The following THAP4 variants were observed in gnomAD, a reference collection of about 807,000 sequenced individuals.
THAP4 encodes the protein THAP domain containing 4.
Under a neutral mutation model 48.1 loss-of-function variants are expected in THAP4, and 18 were observed. That is an observed-to-expected ratio of 0.37 (90% CI 0.26 to 0.56). THAP4 has a LOEUF of 0.56. THAP4 is among the 20% of genes least tolerant of loss of function. The pLI is 0.78. For synonymous variants in THAP4, 345 were observed against 324.9 expected (o/e 1.06, Z -0.66); for missense variants, 656 against 774.9 (o/e 0.85, Z 1.82).
In THAP4 at chr2:241,632,897, C is replaced by T. The variant is rs367575523; in HGVS notation, c.1240+20G>A. ...TCCTAACGGGAAGGGAACATGGGTA[C>T]GCGAGGCTCCGGTACTGACCGCGGC... is the stretch of plus-strand genomic sequence containing the variant. On this transcript the variant is annotated intron_variant, in intron 2 of 5. Coordinates refer to ENST00000407315, the MANE Select transcript of THAP4 (RefSeq NM_015963.6). 26 of 1,547,568 alleles carry T rather than the reference C, an allele frequency of 1.7e-5. No individual in the cohort carries two copies. Among genetic ancestry groups the T allele is most frequent in the Admixed American group, 3.9e-5 (2 of 50,636 alleles).
At chr2:241,628,090 C>A (rs1286696651) in intron 2 of THAP4, among the ~76,000 whole-genome samples, 1 of 152,106 alleles carries the variant, frequency 6.6e-6, no homozygotes, top group African/African-American at 2.4e-5. Context: ...ACCCTGGGAG[C>A]ACATCCAACC....
At chr2:241,599,331 T>C (rs1285596005) in intron 5 of THAP4, among the ~76,000 whole-genome samples, 2 of 151,790 alleles carry the variant, frequency 1.3e-5, no homozygotes, top group Non-Finnish European at 2.9e-5. Flanking sequence ...CACACAGAAC[T>C]ATTTCCACTA....
chr2:241,625,250 G>A (rs983361388), intron 2 of THAP4, among the ~76,000 whole-genome samples: 26 of 152,136 alleles, frequency 1.7e-4, no homozygotes, highest in Non-Finnish European at 7.3e-5. Context: ...CAAGCTGGGA[G>A]AATCACTTGG....
At chr2:241,585,549 G>A (rs577212218) in intron 5 of THAP4, among the ~76,000 whole-genome samples, 3 of 152,246 alleles carry the variant, frequency 2.0e-5, no homozygotes, top group Non-Finnish European at 4.4e-5. Flanking sequence ...AGTCAGCGAG[G>A]ACCAGCACCC....
chr2:241,591,001 A>C (rs62192990), intron 5 of THAP4, among the ~76,000 whole-genome samples: 1 of 69,774 alleles, frequency 1.4e-5, no homozygotes, highest in African/African-American at 5.4e-5. Context: ...CTCGGCTGAC[A>C]ATAATGGGCA....
rs367799716 is a variant in THAP4, at chr2:241,601,227, G to A, written c.1614+669C>T. Among the ~76,000 whole-genome samples the A allele has an allele frequency of 1.3e-4, 20 of 152,102 alleles. No individual in the cohort carries two copies. Among genetic ancestry groups the A allele is most frequent in the Admixed American group, 3.3e-4 (5 of 15,282 alleles). On this transcript the variant is annotated intron_variant, in intron 5 of 5. Coordinates refer to ENST00000407315, the MANE Select transcript of THAP4 (RefSeq NM_015963.6). The surrounding 1 kb of genome is among the most constrained non-coding windows in gnomAD (Gnocchi z 4.0). ...TGAGAGGCGGTGGTTGCGATGAGCCGAGATCCCACCTTTGCATTCCAGCCT... is the reference window on the plus strand; with the variant it reads ...TGAGAGGCGGTGGTTGCGATGAGCCAAGATCCCACCTTTGCATTCCAGCCT...
At chr2:241,588,181 TA>T (rs2066915819) in intron 5 of THAP4, among the ~76,000 whole-genome samples, 1 of 151,574 alleles carries the variant, frequency 6.6e-6, no homozygotes, top group South Asian at 2.1e-4. Context: ...AGTGGAAAAT[TA>T]AAAAATCATT....
Position 241,637,084 on chromosome 2 carries a change from C to A in THAP4, c.-67G>T, listed in dbSNP as rs1479692584. 2.9e-6 allele frequency: 3 copies of A among 1,045,512 alleles called. No individual in the cohort carries two copies. Among genetic ancestry groups the A allele is most frequent in the Non-Finnish European group, 2.3e-6 (2 of 870,826 alleles). 64.8% of individuals were successfully genotyped at this position (1,045,512 alleles called of 1,614,324 possible). ...GCCGCCCGCCCGCCCGCGGACCGCCCCGAGGGAGGGAGCGCGGCGGCGACA... is the reference window on the plus strand; with the variant it reads ...GCCGCCCGCCCGCCCGCGGACCGCCACGAGGGAGGGAGCGCGGCGGCGACA... On this transcript the variant is annotated 5_prime_UTR_variant, in exon 1 of 6. Coordinates refer to ENST00000407315, the MANE Select transcript of THAP4 (RefSeq NM_015963.6).
At chr2:241,636,913 G>A (rs111312836) in intron 1 of THAP4, 28 bp downstream of exon 1, 1 of 1,211,372 alleles carries the variant, frequency 8.3e-7, no homozygotes, top group Non-Finnish European at 1.1e-6. Context: ...GGTCGGGGCG[G>A]GGGCGTGGCG....
chr2:241,591,523 AG>A (rs977533541), intron 5 of THAP4, among the ~76,000 whole-genome samples: 2 of 152,238 alleles, frequency 1.3e-5, no homozygotes, highest in Admixed American at 6.5e-5. Context: ...GTATTGGCAC[AG>A]GGACTGACAA....
chr2:241,607,041 C>G (rs550177017), intron 2 of THAP4, among the ~76,000 whole-genome samples: 5 of 152,222 alleles, frequency 3.3e-5, no homozygotes, highest in Admixed American at 1.3e-4. Flanking sequence ...GGCCCAGGGG[C>G]AGGCGGGGTT....
In THAP4 at chr2:241,607,965, A is replaced by G. The variant is rs1486546123; in HGVS notation, c.1241-1492T>C. Among the ~76,000 whole-genome samples the G allele has an allele frequency of 9.6e-4, 120 of 125,128 alleles. 1 individual carries two copies. The highest frequency in any genetic ancestry group is 3.3e-3 in the African/African-American group (106 of 32,544). 82.1% of individuals were successfully genotyped at this position (125,128 alleles called of 152,430 possible). On this transcript the variant is annotated intron_variant, in intron 2 of 5. Coordinates refer to ENST00000407315, the MANE Select transcript of THAP4 (RefSeq NM_015963.6). Reference sequence around the variant, plus strand: ...CTCCAGGCCCGCAAAAGCAGAAGACAGACTGATGGGGACGGGATCAGGACT... The same window carrying G: ...CTCCAGGCCCGCAAAAGCAGAAGACGGACTGATGGGGACGGGATCAGGACT...
chr2:241,636,483 G>A (rs958912299), intron 1 of THAP4, among the ~76,000 whole-genome samples: 1 of 152,204 alleles, frequency 6.6e-6, no homozygotes, highest in Non-Finnish European at 1.5e-5. Context: ...CTCTCCGCGC[G>A]TACCCGCGTC....
intron 3 of THAP4, among the ~76,000 whole-genome samples, chr2:241,605,382 G>A (rs1407705371): frequency 1.3e-5 from 2 of 151,850 alleles, no homozygotes; most frequent in East Asian, 1.9e-4. Flanking sequence ...ACTAAGGGAG[G>A]GTTTGCTTTT....
chr2:241,636,916 G>T (rs768567259), intron 1 of THAP4, 25 bp downstream of exon 1: 3 of 1,216,606 alleles, frequency 2.5e-6, no homozygotes, highest in South Asian at 1.5e-5. Flanking sequence ...CGGGGCGGGG[G>T]CGTGGCGGCC....
rs190762045 is a variant in THAP4, at chr2:241,606,957, T to C, written c.1241-484A>G. ...AGGCACGGTGCCCTGGCGTGAAGAGTGTGTGAAGGAGACAAAGAGCATCAG... is the reference window on the plus strand; with the variant it reads ...AGGCACGGTGCCCTGGCGTGAAGAGCGTGTGAAGGAGACAAAGAGCATCAG... On this transcript the variant is annotated intron_variant, in intron 2 of 5. Transcript: ENST00000407315. Among the ~76,000 whole-genome samples, 7 of 151,340 alleles carry C rather than the reference T, an allele frequency of 4.6e-5. No individual in the cohort carries two copies. The East Asian group carries it at 1.4e-3, about 29-fold the overall frequency.
At position 241,625,993 on chromosome 2, in the gene THAP4, C is replaced by T. The variant is rs899828928; in HGVS notation, c.1240+6924G>A. Among the ~76,000 whole-genome samples, 7 of 152,186 alleles carry T rather than the reference C, an allele frequency of 4.6e-5. 1 individual carries two copies. Among genetic ancestry groups the T allele is most frequent in the East Asian group, 3.9e-4 (2 of 5,182 alleles). Reference sequence around the variant, plus strand: ...GGCTCTGTGCTCTAAAATTGATTAACGTAACCCGTCACATCAACAGGCAAA... The same window carrying T: ...GGCTCTGTGCTCTAAAATTGATTAATGTAACCCGTCACATCAACAGGCAAA... On this transcript the variant is annotated intron_variant, in intron 2 of 5. Transcript: ENST00000407315.
intron 2 of THAP4, among the ~76,000 whole-genome samples, chr2:241,631,371 G>A (rs2067558858): frequency 1.3e-5 from 2 of 152,172 alleles, no homozygotes; most frequent in Non-Finnish European, 1.5e-5. Flanking sequence ...GAAACCATCC[G>A]CCATATGTAA....
chr2:241,591,148 C>T (rs111839087), intron 5 of THAP4, among the ~76,000 whole-genome samples: 4,403 of 54,214 alleles, frequency 0.081, 16 homozygotes, highest in Middle Eastern at 0.16. Flanking sequence ...TCAGAACTGC[C>T]CGGCTGACGA....
Sources: allele counts gnomAD v4.1 joint callset (sites outside exome capture counted in the v4.1 genomes callset), GRCh38; gene constraint gnomAD v4.1.1; non-coding constraint Gnocchi (gnomAD v3.1); transcripts MANE v1.5; gene names NCBI Gene and HGNC (gene_info 2026-07-23, HGNC 2026-07-21).